Variants in CNTN6 observed in about 807,000 individuals in gnomAD.
CNTN6 encodes the protein contactin 6.
CNTN6 carries 137 observed loss-of-function variants against 122.8 expected under a neutral mutation model. The ratio of observed to expected loss-of-function variants is 1.12; its 90% CI spans 0.97 to 1.29. The LOEUF is 1.29. CNTN6 is among the 50% of genes most tolerant of loss of function. The pLI is 0.00. For synonymous variants in CNTN6, 570 were observed against 426.0 expected, an observed-to-expected ratio of 1.34 and a Z score of -4.16; for missense variants, 1,634 against 1,223.4, an observed-to-expected ratio of 1.34 and a Z score of -5.01.
At position 1,317,063 on chromosome 3, in the gene CNTN6, A is replaced by G. The variant is rs186709624; in HGVS notation, c.762-4587A>G. ...CATGGCATTCAGATTTAGCAGTTAT[A>G]TAACTGAGCTGAAAAAAATCTCAAC... On this transcript the variant is annotated intron_variant, in intron 7 of 22. Transcript: ENST00000446702. Among the ~76,000 whole-genome samples the G allele has an allele frequency of 1.6e-4, 25 of 152,106 alleles. No individual in the cohort carries two copies. In the East Asian group the frequency reaches 2.5e-3, roughly 15 times the overall value.
At chr3:1,393,551 GAAGT>G (rs1397081569) in intron 20 of CNTN6, among the ~76,000 whole-genome samples, 5 of 58,530 alleles carry the variant, frequency 8.5e-5, no homozygotes, top group Non-Finnish European at 1.7e-4. Flanking sequence ...AAAACTTAAA[GAAGT>G]AAAAAAAAAA....
At chr3:1,261,891 A>C (rs2094852008) in intron 4 of CNTN6, among the ~76,000 whole-genome samples, 1 of 152,150 alleles carries the variant, frequency 6.6e-6, no homozygotes, top group Admixed American at 6.5e-5. Flanking sequence ...GCAGTTCCGG[A>C]ATTTCACATT....
chr3:1,163,667 T>C (rs2093183547), intron 2 of CNTN6, among the ~76,000 whole-genome samples: 3 of 152,170 alleles, frequency 2.0e-5, no homozygotes, highest in Admixed American at 1.3e-4. Flanking sequence ...TCTTCCCACC[T>C]CAGCTTCCCT....
At chr3:1,367,744 C>T (rs1366725855) in intron 12 of CNTN6, among the ~76,000 whole-genome samples, 1 of 152,016 alleles carries the variant, frequency 6.6e-6, no homozygotes, top group Admixed American at 6.6e-5. Context: ...TAGTCATAGT[C>T]CTGGAGTCCT....
At chr3:1,399,746 A>G (rs993887653) in intron 20 of CNTN6, among the ~76,000 whole-genome samples, 1 of 152,116 alleles carries the variant, frequency 6.6e-6, no homozygotes, top group Non-Finnish European at 1.5e-5. Context: ...TTCAACGTGT[A>G]TGAATTGGAT....
rs749793405 is a variant in CNTN6, at chr3:1,382,983, T to TATC, written c.2214_2216dup (p.Ile738dup). The TATC allele has an allele frequency of 1.6e-5, 26 of 1,613,944 alleles. 1 individual carries two copies. In the South Asian group the frequency reaches 2.7e-4, roughly 17 times the overall value. ...TGCAGAATGGGGAGGGATTTGGATATATCATCATGTTCCGGCCAGTGGGCT... is the reference window on the plus strand; with the variant it reads ...TGCAGAATGGGGAGGGATTTGGATATATCATCATCATGTTCCGGCCAGTGGGCT... On this transcript the variant is annotated inframe_insertion, in exon 18 of 23. Transcript: ENST00000446702.
intron 2 of CNTN6, among the ~76,000 whole-genome samples, chr3:1,171,908 G>C (rs1363163112): frequency 2.6e-5 from 4 of 152,102 alleles, no homozygotes; most frequent in African/African-American, 9.7e-5. Context: ...CACTCGGCCT[G>C]CTGTATACTC....
chr3:1,189,246 A>G (rs2093668282), intron 2 of CNTN6, among the ~76,000 whole-genome samples: 1 of 152,146 alleles, frequency 6.6e-6, no homozygotes, highest in Non-Finnish European at 1.5e-5. Context: ...CCACTCCTAC[A>G]ATGTTTTTGA....
At chr3:1,356,278 G>A (rs1431040648) in intron 12 of CNTN6, among the ~76,000 whole-genome samples, 1 of 151,756 alleles carries the variant, frequency 6.6e-6, no homozygotes, top group Non-Finnish European at 1.5e-5. Context: ...GAGAAGTTTT[G>A]GATGTTCAAT....
chr3:1,239,930 A>G (rs1184652935), intron 4 of CNTN6, among the ~76,000 whole-genome samples: 1 of 152,206 alleles, frequency 6.6e-6, no homozygotes, highest in African/African-American at 2.4e-5. Context: ...TGGAAAGGAC[A>G]TCCTATTCAA....
At chr3:1,379,703 T>TG (rs1160901892) in intron 17 of CNTN6, among the ~76,000 whole-genome samples, 3 of 151,514 alleles carry the variant, frequency 2.0e-5, no homozygotes, top group East Asian at 3.9e-4. Context: ...GAGGAGGAGG[T>TG]GGGGGGTGGA....
At chr3:1,366,636 T>G (rs1436942339) in intron 12 of CNTN6, among the ~76,000 whole-genome samples, 1 of 152,158 alleles carries the variant, frequency 6.6e-6, no homozygotes, top group Non-Finnish European at 1.5e-5. Context: ...CCTGCAAGTG[T>G]GATTTTTGTC....
chr3:1,207,703 A>G (rs1020904402), intron 2 of CNTN6, among the ~76,000 whole-genome samples: 5 of 151,000 alleles, frequency 3.3e-5, no homozygotes, highest in African/African-American at 1.2e-4. Flanking sequence ...CACAGACTCA[A>G]AGTTATCTGT....
At position 1,243,801 on chromosome 3, in the gene CNTN6, T is replaced by C. The variant is rs143559390; in HGVS notation, c.358+15808T>C. On this transcript the variant is annotated intron_variant, in intron 4 of 22. Transcript: ENST00000446702. ...GTGAGGAGGGGAGGCTGAGGAAGTATTGGGACTTAGCTGGGTCTGGCAATG... is the reference window on the plus strand; with the variant it reads ...GTGAGGAGGGGAGGCTGAGGAAGTACTGGGACTTAGCTGGGTCTGGCAATG... 1.1e-3 allele frequency among the ~76,000 whole-genome samples: 172 copies of C among 152,002 alleles called. 2 individuals are homozygous for C. The highest frequency in any genetic ancestry group is 4.1e-3 in the African/African-American group (168 of 41,466).
chr3:1,229,423 GT>G (rs2094326141), intron 4 of CNTN6, among the ~76,000 whole-genome samples: 1 of 151,836 alleles, frequency 6.6e-6, no homozygotes, highest in South Asian at 2.1e-4. Flanking sequence ...TGACTCTTTG[GT>G]AAAGGAAACT....
chr3:1,357,831 T>TTATATGTAAATTTTACATAAATGCACA, intron 12 of CNTN6, among the ~76,000 whole-genome samples: 2 of 151,414 alleles, frequency 1.3e-5, no homozygotes, highest in African/African-American at 2.4e-5. Context: ...TTACATTTTA[T>TTATATGTAAATTTTACATAAATGCACA]TATATGTAAA....
chr3:1,251,135 T>C (rs2094660523), intron 4 of CNTN6, among the ~76,000 whole-genome samples: 2 of 152,222 alleles, frequency 1.3e-5, no homozygotes, highest in Admixed American at 6.5e-5. Context: ...TGGTATTCAG[T>C]ACTCAATATC....
At chr3:1,142,968 GTATA>G (rs3043051) in intron 1 of CNTN6, among the ~76,000 whole-genome samples, 8,659 of 128,554 alleles carry the variant, frequency 0.067, 298 homozygotes, top group Middle Eastern at 0.12. Context: ...GTGTGTGTGT[GTATA>G]TATATATATA....
chr3:1,146,317 C>T (rs912542263), intron 1 of CNTN6, among the ~76,000 whole-genome samples: 2 of 152,080 alleles, frequency 1.3e-5, no homozygotes, highest in Non-Finnish European at 2.9e-5. Context: ...CGGACTTTCT[C>T]ATATCTTTGA....
Sources: gnomAD v4.1 joint callset for allele counts (sites outside exome capture counted in the v4.1 genomes callset) on GRCh38, gnomAD v4.1.1 for gene constraint, MANE v1.5 for transcripts, NCBI Gene and HGNC (gene_info 2026-07-23, HGNC 2026-07-21) for gene names.